Variants in MYO1B observed in about 807,000 individuals in gnomAD.
MYO1B encodes myosin IB.
A neutral mutation model predicts 159.7 loss-of-function variants in MYO1B; 72 were observed. That is an observed-to-expected ratio of 0.45 (90% CI 0.37 to 0.55). The LOEUF (loss-of-function observed/expected upper bound fraction) is 0.55. Among genes scored for constraint, MYO1B ranks in the 20% least tolerant of loss-of-function variants. The probability of loss-of-function intolerance (pLI) is 0.00; values close to 1 mark genes in which losing one functional copy is unlikely to be tolerated. For synonymous variants in MYO1B, 468 were observed against 473.8 expected, an observed-to-expected ratio of 0.99 and a Z score of 0.16; for missense variants, 1,062 against 1,364.8, an observed-to-expected ratio of 0.78 and a Z score of 3.50.
chr2:191,393,382 C>CT (rs1236123787), intron 20 of MYO1B, among the ~76,000 whole-genome samples, 160 bp downstream of exon 20: 1 of 152,080 alleles, frequency 6.6e-6, no homozygotes, highest in Non-Finnish European at 1.5e-5. Flanking sequence ...GATGAGAAAA[C>CT]TAAGACACAA....
At chr2:191,272,729 A>G (rs1177152775) in intron 1 of MYO1B, among the ~76,000 whole-genome samples, 2 of 152,196 alleles carry the variant, frequency 1.3e-5, no homozygotes, top group African/African-American at 4.8e-5. Context: ...ATTTTTTTCA[A>G]ATTCTCTAAT....
At chr2:191,254,603 T>G (rs1198978049) in intron 1 of MYO1B, among the ~76,000 whole-genome samples, 1 of 151,928 alleles carries the variant, frequency 6.6e-6, no homozygotes, top group Non-Finnish European at 1.5e-5. Flanking sequence ...ACTCCTGGAC[T>G]CAAATGAGCC....
chr2:191,336,084 A>G (rs181172069), intron 4 of MYO1B, among the ~76,000 whole-genome samples: 3 of 152,302 alleles, frequency 2.0e-5, no homozygotes, highest in Admixed American at 6.5e-5. Flanking sequence ...ATATGAGGGA[A>G]CCATCAAAAC....
intron 7 of MYO1B, among the ~76,000 whole-genome samples, chr2:191,350,920 T>C (rs1437426293): frequency 6.6e-6 from 1 of 152,154 alleles, no homozygotes; most frequent in Non-Finnish European, 1.5e-5. Flanking sequence ...GTGTCTCTTG[T>C]AAAAATGACA....
chr2:191,265,070 C>A (rs1687051431), intron 1 of MYO1B, among the ~76,000 whole-genome samples: 1 of 152,026 alleles, frequency 6.6e-6, no homozygotes, highest in Non-Finnish European at 1.5e-5. Context: ...AATGCCAAAG[C>A]TGTTGTTTTC....
intron 7 of MYO1B, among the ~76,000 whole-genome samples, chr2:191,351,778 A>G (rs745480437): frequency 3.0e-4 from 46 of 152,292 alleles, no homozygotes; most frequent in African/African-American, 7.7e-4. Flanking sequence ...GTTCCAGCTC[A>G]GGAGATTGAC....
intron 2 of MYO1B, among the ~76,000 whole-genome samples, chr2:191,284,848 G>A (rs1213516434): frequency 2.0e-5 from 3 of 152,072 alleles, no homozygotes; most frequent in Non-Finnish European, 4.4e-5. Flanking sequence ...TGGCCAGGCT[G>A]GTCTTGAACT....
chr2:191,337,738 AT>A (rs1297830125), intron 4 of MYO1B, among the ~76,000 whole-genome samples: 3 of 152,290 alleles, frequency 2.0e-5, no homozygotes, highest in South Asian at 2.1e-4. Flanking sequence ...ATGCTGTTAC[AT>A]TTTGTCTATT....
At chr2:191,355,226 G>A (rs757767104) in intron 7 of MYO1B, among the ~76,000 whole-genome samples, 3 of 152,134 alleles carry the variant, frequency 2.0e-5, no homozygotes, top group Non-Finnish European at 2.9e-5. Context: ...CCAGCCAGTC[G>A]CCAGCAGACA....
At chr2:191,282,003 T>C (rs1688091477) in intron 2 of MYO1B, among the ~76,000 whole-genome samples, 1 of 152,216 alleles carries the variant, frequency 6.6e-6, no homozygotes, top group Admixed American at 6.5e-5. Flanking sequence ...TAGATACTTT[T>C]ATGAAAGATA....
intron 2 of MYO1B, among the ~76,000 whole-genome samples, chr2:191,292,704 T>G (rs990854295): frequency 6.8e-6 from 1 of 147,994 alleles, no homozygotes; most frequent in African/African-American, 2.7e-5. Flanking sequence ...GGTTAAATTT[T>G]AGAGTACCTT....
At chr2:191,350,964 A>T (rs972665905) in intron 7 of MYO1B, among the ~76,000 whole-genome samples, 11 of 152,254 alleles carry the variant, frequency 7.2e-5, no homozygotes. Context: ...TGGCACCCAC[A>T]GCACAACCCT....
At chr2:191,336,220 T>A (rs1169299592) in intron 4 of MYO1B, among the ~76,000 whole-genome samples, 2 of 152,232 alleles carry the variant, frequency 1.3e-5, no homozygotes, top group Non-Finnish European at 2.9e-5. Context: ...TTCAGCCATC[T>A]GCTAGAAGAG....
intron 4 of MYO1B, among the ~76,000 whole-genome samples, chr2:191,331,758 A>G (rs1399436725): frequency 1.3e-5 from 2 of 152,334 alleles, no homozygotes; most frequent in East Asian, 3.9e-4. Flanking sequence ...ATACATCCAA[A>G]TTACATGCAA....
At chr2:191,365,498 A>C (rs1034234237) in intron 11 of MYO1B, among the ~76,000 whole-genome samples, 1 of 152,234 alleles carries the variant, frequency 6.6e-6, no homozygotes, top group African/African-American at 2.4e-5. Context: ...ATCGTTTCCT[A>C]GCTATAGCCA....
chr2:191,266,775 T>C (rs1687166974), intron 1 of MYO1B, among the ~76,000 whole-genome samples: 1 of 152,154 alleles, frequency 6.6e-6, no homozygotes, highest in Non-Finnish European at 1.5e-5. Flanking sequence ...AAGTGAGAGT[T>C]GGTAACTGGT....
intron 18 of MYO1B, 66 bp from the exon 19 acceptor site, chr2:191,392,042 C>T: frequency 2.5e-6 from 3 of 1,183,452 alleles, no homozygotes; most frequent in Middle Eastern, 2.8e-4. Flanking sequence ...AACCTGATAC[C>T]ATGATAGAAG....
chr2:191,319,597 A>C (rs1470151295), intron 3 of MYO1B, among the ~76,000 whole-genome samples: 1 of 152,202 alleles, frequency 6.6e-6, no homozygotes, highest in Non-Finnish European at 1.5e-5. Flanking sequence ...GAATAGGTAC[A>C]TCATAAACCC....
rs371984172 is a variant in MYO1B, at chr2:191,370,263, C to T, written c.1156C>T (p.Leu386=). 5 of 1,613,246 alleles carry T rather than the reference C, an allele frequency of 3.1e-6. No individual in the cohort carries two copies. The highest frequency in any genetic ancestry group is 4.2e-6 in the Non-Finnish European group (5 of 1,179,620). ...AGTGAGAAAGAAGGTCATGGGTGTT[C>T]TGGACATTTATGGCTTTGAGATTTT... is the stretch of plus-strand genomic sequence containing the variant. ...TKVRKKVMGV[L]DIYGFEIFED... is the part of the protein sequence containing the mutation. Residue 386 remains leucine, a synonymous_variant, in exon 13 of 31, where the codon CTG becomes TTG. Coordinates refer to ENST00000392318, the MANE Select transcript of MYO1B (RefSeq NM_001130158.3).
Sources: gnomAD v4.1 joint callset for allele counts (sites outside exome capture counted in the v4.1 genomes callset) on GRCh38, gnomAD v4.1.1 for gene constraint, MANE v1.5 for transcripts, NCBI Gene and HGNC (gene_info 2026-07-23, HGNC 2026-07-21) for gene names.